C6orf62: variants seen among roughly 807,000 people sequenced by gnomAD.
C6orf62 encodes the protein chromosome 6 open reading frame 62, also known as uncharacterized protein C6orf62.
A neutral mutation model predicts 26.8 loss-of-function variants in C6orf62; 16 were observed. That is an observed-to-expected ratio of 0.60 (90% CI 0.40 to 0.91). The LOEUF (loss-of-function observed/expected upper bound fraction) is 0.91, where lower values mean the gene tolerates loss of function less well. Among genes scored for constraint, C6orf62 ranks in the 40% least tolerant of loss-of-function variants. C6orf62 has a pLI of 0.00. For missense variants in C6orf62, 192 were observed against 271.4 expected (o/e 0.71, Z 2.06); for synonymous variants, 112 against 91.5 (o/e 1.22, Z -1.28).
At position 24,718,985 on chromosome 6, in the gene C6orf62, A is replaced by C. The variant is rs1207669874; in HGVS notation, c.-317T>G. On this transcript the variant is annotated 5_prime_UTR_variant, in exon 1 of 5. Transcript: ENST00000378119. ...ACTTTCTGGAAAACACATTTGGCTT[A>C]ACTGCCAAAATAAAGGCTTTGCGGA... 4 of 1,149,598 alleles carry C rather than the reference A, an allele frequency of 3.5e-6. No individual in the cohort carries two copies. The highest frequency in any genetic ancestry group is 4.3e-6 in the Non-Finnish European group (4 of 930,530). The allele number at this position is 1,149,598 out of a possible 1,614,324, so 71.2% of individuals were successfully genotyped here. A position where few individuals can be genotyped will look rare whatever the true frequency, so the allele number is the denominator to read the frequency against.
chr6:24,717,846 C>T (rs1779264459), intron 1 of C6orf62, among the ~76,000 whole-genome samples: 1 of 152,222 alleles, frequency 6.6e-6, no homozygotes, highest in Non-Finnish European at 1.5e-5. Context: ...GCAAAAAATA[C>T]TGCTCTTATC....
chr6:24,713,558 T>G (rs1001116034), intron 3 of C6orf62, among the ~76,000 whole-genome samples: 2 of 152,164 alleles, frequency 1.3e-5, no homozygotes, highest in African/African-American at 4.8e-5. Context: ...GTACTTAAAA[T>G]GAGTCCTTAA....
chr6:24,720,012 A>AGGGGGGGGGGGG, upstream of C6orf62: 5 of 1,463,276 alleles, frequency 3.4e-6, no homozygotes, highest in Non-Finnish European at 3.7e-6. Flanking sequence ...TTCTAAAGTA[A>AGGGGGGGGGGGG]GCCCACCCAC....
chr6:24,708,526 T>C (rs557498963), intron 4 of C6orf62, among the ~76,000 whole-genome samples: 2 of 152,190 alleles, frequency 1.3e-5, no homozygotes, highest in African/African-American at 4.8e-5. Flanking sequence ...TCTGTAGAGA[T>C]GGGGTTTCGT....
rs1389660628 is a variant in C6orf62 at position 24,705,693 on chromosome 6, CAA to C, written c.*442_*443del. The stretch of plus-strand genomic sequence containing the variant: ...TGCTCTGGAACAACTGTGATTATAG[CAA>C]AGTTATTGTTTTTAAAAATGTTATT... On this transcript the variant is annotated 3_prime_UTR_variant, in exon 5 of 5. Transcript: ENST00000378119. The C allele has an allele frequency of 1.3e-5, 2 of 153,262 alleles. No homozygotes were observed. Among genetic ancestry groups the C allele is most frequent in the African/African-American group, 4.8e-5 (2 of 41,420 alleles). The allele number at this position is 153,262 out of a possible 1,614,324, so 9.5% of individuals were successfully genotyped here. A position where few individuals can be genotyped will look rare whatever the true frequency, so the allele number is the denominator to read the frequency against.
Sources: allele counts gnomAD v4.1 joint callset (sites outside exome capture counted in the v4.1 genomes callset), GRCh38; gene constraint gnomAD v4.1.1; transcripts MANE v1.5; gene names NCBI Gene and HGNC (gene_info 2026-07-23, HGNC 2026-07-21).